POTEF: variants seen among roughly 807,000 people sequenced by gnomAD.
The protein encoded by POTEF is POTE ankyrin domain family member F.
Under a neutral mutation model 83.2 loss-of-function variants are expected in POTEF, and 20 were observed. That is an observed-to-expected ratio of 0.24 (90% CI 0.17 to 0.35). POTEF has a LOEUF of 0.35. POTEF is among the 10% of genes least tolerant of loss of function. POTEF has a pLI of 1.00. For missense variants in POTEF, 550 were observed against 1,203.2 expected (o/e 0.46, Z 8.03); for synonymous variants, 196 against 446.4 (o/e 0.44, Z 7.07).
chr2:130,128,750 G>A (rs1275629018), intron 1 of POTEF, among the ~76,000 whole-genome samples: 1 of 95,796 alleles, frequency 1.0e-5, no homozygotes, highest in African/African-American at 3.9e-5. Flanking sequence ...CCCGCTGCCA[G>A]CATTGTAGCT....
At chr2:130,104,881 T>C (rs1011099211) in intron 8 of POTEF, among the ~76,000 whole-genome samples, 5 of 151,364 alleles carry the variant, frequency 3.3e-5, no homozygotes, top group Non-Finnish European at 5.9e-5. Context: ...GTCAAACTAG[T>C]AGGATGCGAG....
chr2:130,110,195 G>A (rs1018204247), intron 7 of POTEF, among the ~76,000 whole-genome samples: 4 of 151,438 alleles, frequency 2.6e-5, no homozygotes, highest in Admixed American at 6.6e-5. Context: ...AAGACTTTCC[G>A]CTAAACTGGA....
chr2:130,113,773 A>G (rs3872448), intron 5 of POTEF, among the ~76,000 whole-genome samples: 86,391 of 149,388 alleles, frequency 0.58, 25,354 homozygotes, highest in Admixed American at 0.69. Context: ...TCAGGTTACT[A>G]GGATGCACAA....
chr2:130,118,395 T>G (rs1172994382), intron 3 of POTEF, among the ~76,000 whole-genome samples: 1 of 151,928 alleles, frequency 6.6e-6, no homozygotes, highest in Non-Finnish European at 1.5e-5. Flanking sequence ...ATGAGCTTAT[T>G]TTATTATGTC....
At chr2:130,114,271 A>G (rs1027591579) in intron 5 of POTEF, among the ~76,000 whole-genome samples, 4 of 151,812 alleles carry the variant, frequency 2.6e-5, no homozygotes, top group Non-Finnish European at 5.9e-5. Flanking sequence ...CATGCAAAGG[A>G]AACAAATCAG....
intron 7 of POTEF, 101 bp downstream of exon 7, chr2:130,110,442 G>A (rs1684677831): frequency 6.3e-7 from 1 of 1,578,424 alleles, no homozygotes. Context: ...AAAACTACCT[G>A]AACCAAACTA....
intron 11 of POTEF, among the ~76,000 whole-genome samples, chr2:130,095,077 G>C (rs1294842755): frequency 7.8e-5 from 6 of 76,724 alleles, no homozygotes; most frequent in African/African-American, 3.0e-4. Flanking sequence ...ACCCAGGCTG[G>C]AGTGCAGTGG....
chr2:130,120,090 C>G lies in POTEF; in HGVS notation c.426G>C (p.Lys142Asn). 6.2e-7 allele frequency: 1 copy of G among 1,603,232 alleles called. No homozygotes were observed. The highest frequency in any genetic ancestry group is 1.1e-5 in the South Asian group (1 of 90,606). Residue 142 changes from lysine (K) to asparagine (N), a missense_variant, in exon 3 of 17, where the codon AAG (lysine) becomes AAC (asparagine). By Grantham distance (94) the Lys-to-Asn change is moderately conservative. Transcript: ENST00000409914. ...TACCCCACCAGGCAGCTCTGTGGAG[C>G]TTGTCCAGATCTTCTCCACGGACGT... ...RYHVRGEDLD[K>N]LHRAAWWGKV...
chr2:130,103,732 G>C (rs1462216835), intron 8 of POTEF, among the ~76,000 whole-genome samples: 4 of 148,942 alleles, frequency 2.7e-5, no homozygotes, highest in African/African-American at 1.0e-4. Flanking sequence ...TGCCCAAGCA[G>C]AGACTTAAAT....
chr2:130,103,333 T>A (rs1038574407), intron 8 of POTEF, among the ~76,000 whole-genome samples: 1 of 150,654 alleles, frequency 6.6e-6, no homozygotes, highest in Middle Eastern at 3.2e-3. Flanking sequence ...TCTTTTGACC[T>A]TGTGATCTGC....
intron 8 of POTEF, among the ~76,000 whole-genome samples, chr2:130,103,226 C>T (rs575106262): frequency 2.9e-4 from 43 of 149,244 alleles, no homozygotes; most frequent in South Asian, 6.3e-4. Context: ...TCTCAGTCTC[C>T]GGAGAAGCTG....
chr2:130,110,177 G>A (rs1193018493), intron 7 of POTEF, among the ~76,000 whole-genome samples: 1 of 151,426 alleles, frequency 6.6e-6, no homozygotes, highest in African/African-American at 2.4e-5. Context: ...GTCCCCAGAA[G>A]ACAGTACAAG....
At chr2:130,122,809 T>G (rs1229166192) in intron 2 of POTEF, among the ~76,000 whole-genome samples, 1 of 151,690 alleles carries the variant, frequency 6.6e-6, no homozygotes, top group African/African-American at 2.4e-5. Context: ...CTATTATAAA[T>G]GGAATTACCT....
In POTEF at chr2:130,120,638, A is replaced by C. The variant is rs527901686; in HGVS notation, c.-93-30T>G. ...TTGAAGAGAAAAGTCAATCCCAGCC[A>C]AAACCTGCCAACCCCAGCAGGGGAT... On this transcript the variant is annotated intron_variant, in intron 2 of 16. Coordinates refer to ENST00000409914, the MANE Select transcript of POTEF (RefSeq NM_001099771.2). 104 of 1,557,932 alleles carry C rather than the reference A, an allele frequency of 6.7e-5. 1 individual carries two copies. In the African/African-American group the frequency reaches 1.2e-3, roughly 18 times the overall value.
rs1158769083 is a variant in POTEF, at chr2:130,075,312, G to A, written c.2160C>T (p.Gly720=). 1 of 1,612,628 alleles carries A rather than the reference G, an allele frequency of 6.2e-7. No homozygotes were observed. The highest frequency in any genetic ancestry group is 8.5e-7 in the Non-Finnish European group (1 of 1,179,856). ...IDNGSGMCKA[G]FAGDDAPRAV... ...CCCGGGGGGCATCGTCGCCCGCAAA[G>A]CCGGCCTTGCACATGCCAGAGCCGT... The change falls in exon 17 of 17, where the codon GGC becomes GGT. Residue 720 remains glycine (G), a synonymous_variant. Transcript: ENST00000409914.
At chr2:130,121,307 A>G (rs1282943914) in intron 2 of POTEF, among the ~76,000 whole-genome samples, 5 of 140,612 alleles carry the variant, frequency 3.6e-5, no homozygotes, top group African/African-American at 8.7e-5. Flanking sequence ...GCCTCTGGTG[A>G]AAAAAAAAAA....
chr2:130,109,106 C>T (rs539148815), intron 7 of POTEF: 2 of 151,360 alleles, frequency 1.3e-5, no homozygotes, highest in South Asian at 4.2e-4. Flanking sequence ...GCACAAATCA[C>T]AATTTCAATA....
At chr2:130,113,314 C>G (rs1300977842) in intron 5 of POTEF, among the ~76,000 whole-genome samples, 2 of 111,050 alleles carry the variant, frequency 1.8e-5, no homozygotes, top group Admixed American at 1.0e-4. Context: ...TGCATTCCAG[C>G]CTGGGAAACA....
At chr2:130,104,588 C>T (rs1397162767) in intron 8 of POTEF, among the ~76,000 whole-genome samples, 1 of 151,520 alleles carries the variant, frequency 6.6e-6, no homozygotes, top group African/African-American at 2.4e-5. Context: ...TTTTAGAAGT[C>T]AGAACTATGA....
Sources: allele counts gnomAD v4.1 joint callset (sites outside exome capture counted in the v4.1 genomes callset), GRCh38; gene constraint gnomAD v4.1.1; transcripts MANE v1.5; gene names NCBI Gene and HGNC (gene_info 2026-07-23, HGNC 2026-07-21).